SYNE2: variants seen among roughly 807,000 people sequenced by gnomAD.
SYNE2 encodes spectrin repeat containing nuclear envelope protein 2.
Under a neutral mutation model 856.3 loss-of-function variants are expected in SYNE2, and 431 were observed. That is an observed-to-expected ratio of 0.50 (90% confidence interval 0.47 to 0.55). The LOEUF (loss-of-function observed/expected upper bound fraction) is 0.55, where lower values mean the gene tolerates loss of function less well. Ranked by LOEUF, SYNE2 falls within the 20% of genes least tolerant of loss-of-function variation. The probability of loss-of-function intolerance (pLI) is 0.00; values close to 1 mark genes in which losing one functional copy is unlikely to be tolerated. For missense variants in SYNE2, 8,129 were observed against 8,023.2 expected (o/e 1.01, Z -0.50); for synonymous variants, 2,923 against 2,872.3 (o/e 1.02, Z -0.56).
Position 64,209,547 on chromosome 14 carries a change from C to G in SYNE2, c.18509C>G (p.Thr6170Arg). ...CCAAATTCCTCAGAGGTGTTGTACA[C>G]GAGTGCCAAAGAGGAACTGAAGAGG... The part of the protein sequence containing the change: ...ACPNSSEVLY[T>R]SAKEELKRFE... Residue 6170 changes from threonine to arginine, a missense_variant, in exon 102 of 116, where the codon ACG (threonine) becomes AGG (arginine). Around this residue, in one of 3 missense-constraint regions of SYNE2, gnomAD observed 5,410 missense variants for 5,284.8 expected, o/e 1.02. Transcript: ENST00000555002. The G allele has an allele frequency of 1.9e-6, 3 of 1,614,160 alleles. No individual in the cohort carries two copies. Among genetic ancestry groups the G allele is most frequent in the Non-Finnish European group, 2.5e-6 (3 of 1,180,030 alleles).
At chr14:63,866,998 A>G (rs1229147325) in intron 1 of SYNE2, among the ~76,000 whole-genome samples, 3 of 152,322 alleles carry the variant, frequency 2.0e-5, no homozygotes, top group South Asian at 2.1e-4. Context: ...TTAGTACTCA[A>G]TTGGTGCCAG....
At chr14:64,057,213 A>G (rs1301350568) in intron 49 of SYNE2, among the ~76,000 whole-genome samples, 1 of 151,732 alleles carries the variant, frequency 6.6e-6, no homozygotes, top group Admixed American at 6.6e-5. Context: ...TCAATACTAG[A>G]TCTTATTCAT....
At position 64,076,109 on chromosome 14, in the gene SYNE2, A is replaced by C; in HGVS notation, c.11022+9A>C. On this transcript the variant is annotated intron_variant, in intron 54 of 115. Coordinates refer to ENST00000555002, the MANE Select transcript of SYNE2 (RefSeq NM_182914.3). ...AAGACATAGATGAGAAGGTAATAATAATGTCTGTACTACTGTTATTATTTA... is the reference window on the plus strand; with the variant it reads ...AAGACATAGATGAGAAGGTAATAATCATGTCTGTACTACTGTTATTATTTA... 1 of 1,612,792 alleles carries C rather than the reference A, an allele frequency of 6.2e-7. No homozygotes were observed. Among genetic ancestry groups the C allele is most frequent in the Non-Finnish European group, 8.5e-7 (1 of 1,179,294 alleles).
At chr14:64,055,602 C>T (rs950334451) in intron 48 of SYNE2, among the ~76,000 whole-genome samples, 4 of 151,884 alleles carry the variant, frequency 2.6e-5, no homozygotes, top group Non-Finnish European at 5.9e-5. Flanking sequence ...CTCTGGACCT[C>T]GTGATCCACC....
chr14:63,868,380 T>G (rs886380246), intron 1 of SYNE2, among the ~76,000 whole-genome samples: 1 of 151,082 alleles, frequency 6.6e-6, no homozygotes, highest in East Asian at 1.9e-4. Flanking sequence ...GAAGCTGATG[T>G]GAGAGGATTG....
At chr14:64,130,883 CAAA>C (rs34083068) in intron 76 of SYNE2, among the ~76,000 whole-genome samples, 5,730 of 99,498 alleles carry the variant, frequency 0.058, 202 homozygotes, top group African/African-American at 0.12. Flanking sequence ...GACTCTATCT[CAAA>C]AAAAAAAAAA....
intron 109 of SYNE2, 152 bp downstream of exon 109, chr14:64,218,664 G>A (rs781538957): frequency 4.8e-5 from 36 of 757,004 alleles, no homozygotes; most frequent in Non-Finnish European, 6.8e-5. Flanking sequence ...TTAAATCAGC[G>A]ATTGGCATTC....
intron 1 of SYNE2, among the ~76,000 whole-genome samples, chr14:63,806,566 G>A (rs757359451): frequency 6.6e-5 from 10 of 151,942 alleles, no homozygotes; most frequent in Non-Finnish European, 1.3e-4. Flanking sequence ...CTTCTTTGTT[G>A]GTTTGTTAAG....
chr14:64,032,179 C>A (rs1402788894), intron 45 of SYNE2, among the ~76,000 whole-genome samples: 1 of 152,152 alleles, frequency 6.6e-6, no homozygotes, highest in South Asian at 2.1e-4. Context: ...AGGAACCAGG[C>A]AGGATTTTCT....
At chr14:63,975,571 T>A (rs1271567) in intron 11 of SYNE2, among the ~76,000 whole-genome samples, 48,008 of 152,090 alleles carry the variant, frequency 0.32, 7,869 homozygotes, top group African/African-American at 0.38. Flanking sequence ...TGTGCTCAAC[T>A]GATCCGCCTG....
chr14:63,878,717 A>G (rs1222222005), intron 1 of SYNE2, among the ~76,000 whole-genome samples: 1 of 151,670 alleles, frequency 6.6e-6, no homozygotes, highest in Non-Finnish European at 1.5e-5. Flanking sequence ...TAAATTTTGT[A>G]TTTTTAGTAG....
chr14:63,779,044 A>G (rs1254627935), intron 1 of SYNE2, among the ~76,000 whole-genome samples: 1 of 152,072 alleles, frequency 6.6e-6, no homozygotes, highest in Admixed American at 6.6e-5. Context: ...AACAGGCCAG[A>G]CGCAGTGGCT....
At chr14:63,815,217 C>CGGATATATATATATAT (rs1261513232) in intron 1 of SYNE2, among the ~76,000 whole-genome samples, 1 of 35,190 alleles carries the variant, frequency 2.8e-5, no homozygotes, top group Admixed American at 2.9e-4. Flanking sequence ...TATATATATC[C>CGGATATATATATATAT]ATATATATAT....
intron 2 of SYNE2, among the ~76,000 whole-genome samples, chr14:63,935,490 T>C (rs1337458792): frequency 7.2e-5 from 11 of 152,158 alleles, no homozygotes. Context: ...ACTTCAAAAT[T>C]TTTCTAGAAC....
rs150728458 is a variant in SYNE2 at position 64,135,794 on chromosome 14, C to G, written c.14646+1594C>G. Among the ~76,000 whole-genome samples the G allele has an allele frequency of 4.3e-3, 661 of 152,286 alleles. 23 individuals carry two copies. Among genetic ancestry groups the G allele is most frequent in the Non-Finnish European group, 1.3e-3 (90 of 68,018 alleles). ...GACATATCCTGTAAAGCCCATCTCA[C>G]ATATGGACTTCATAGGCCATTCTCA... On this transcript the variant is annotated intron_variant, in intron 78 of 115. Transcript: ENST00000555002.
chr14:64,140,959 T>G (rs1223808709), intron 80 of SYNE2, among the ~76,000 whole-genome samples: 1 of 152,114 alleles, frequency 6.6e-6, no homozygotes, highest in Non-Finnish European at 1.5e-5. Context: ...AAATGTAAAT[T>G]TTTTCAACAT....
chr14:64,051,859 T>G lies in SYNE2; in HGVS notation c.7946T>G (p.Leu2649Arg). ...TCTCTGCAACAGCAGCAGCAACATCTACAGTTAAGGCTGAAGTCTCCAGAA... is the reference window on the plus strand; with the variant it reads ...TCTCTGCAACAGCAGCAGCAACATCGACAGTTAAGGCTGAAGTCTCCAGAA... ...EISLQQQQQH[L>R]QLRLKSPEER... is the part of the protein sequence containing the mutation. Residue 2649 changes from leucine (L) to arginine (R), a missense_variant, in exon 48 of 116, where the codon CTA becomes CGA. Coordinates refer to ENST00000555002, the MANE Select transcript of SYNE2 (RefSeq NM_182914.3). The G allele has an allele frequency of 6.2e-6, 10 of 1,614,060 alleles. No homozygotes were observed. The South Asian group carries it at 6.6e-5, about 11-fold the overall frequency.
chr14:63,827,625 C>CAAAAAAA (rs11334415), intron 1 of SYNE2, among the ~76,000 whole-genome samples: 58 of 28,326 alleles, frequency 2.0e-3, no homozygotes, highest in Admixed American at 3.3e-3. Flanking sequence ...AACTCTGTCT[C>CAAAAAAA]AAAAAAAAAA....
At chr14:63,905,353 A>G (rs2095394939) in intron 1 of SYNE2, among the ~76,000 whole-genome samples, 1 of 151,912 alleles carries the variant, frequency 6.6e-6, no homozygotes, top group African/African-American at 2.4e-5. Context: ...AAGAATGTTC[A>G]TAGTTTGATA....
Sources: gnomAD v4.1 joint callset for allele counts (sites outside exome capture counted in the v4.1 genomes callset) on GRCh38, gnomAD v4.1.1 for gene constraint, gnomAD v4.1.1 regional missense constraint, MANE v1.5 for transcripts, NCBI Gene and HGNC (gene_info 2026-07-23, HGNC 2026-07-21) for gene names.